ATP8A2: variants seen among roughly 807,000 people sequenced by gnomAD.
ATP8A2 encodes the protein ATPase phospholipid transporting 8A2.
In ATP8A2, 100 loss-of-function variants were observed where a neutral mutation model predicts 165.6. The ratio of observed to expected loss-of-function variants is 0.60; its 90% CI spans 0.51 to 0.71. The LOEUF (loss-of-function observed/expected upper bound fraction) is 0.71. Among genes scored for constraint, ATP8A2 ranks in the 30% least tolerant of loss-of-function variants. The pLI, the probability that ATP8A2 is intolerant of heterozygous loss-of-function variation, is 0.00. For missense variants in ATP8A2, 1,227 were observed against 1,479.5 expected (o/e 0.83, Z 2.80); for synonymous variants, 543 against 548.8 (o/e 0.99, Z 0.15).
intron 24 of ATP8A2, among the ~76,000 whole-genome samples, chr13:25,624,304 C>T (rs913535278): frequency 3.9e-5 from 6 of 152,096 alleles, no homozygotes; most frequent in African/African-American, 1.4e-4. Flanking sequence ...GCCAGGATTC[C>T]TTCATCACCT....
intron 35 of ATP8A2, among the ~76,000 whole-genome samples, chr13:25,979,108 C>T (rs1045177523): frequency 4.6e-5 from 7 of 150,728 alleles, no homozygotes; most frequent in African/African-American, 1.7e-4. Flanking sequence ...TTTATGTATA[C>T]ACTAGTTCTG....
intron 5 of ATP8A2, 78 bp downstream of exon 5, chr13:25,532,395 T>A: frequency 1.1e-6 from 1 of 941,302 alleles, no homozygotes; most frequent in Non-Finnish European, 1.7e-6. Context: ...TTTAAATAAG[T>A]AGTGAATGGT....
intron 24 of ATP8A2, among the ~76,000 whole-genome samples, chr13:25,690,389 CTT>C (rs560573240): frequency 1.4e-5 from 2 of 146,154 alleles, no homozygotes; most frequent in South Asian, 2.2e-4. Context: ...AAATTTGTGA[CTT>C]TTTTTTTTTT....
At chr13:25,606,203 C>T (rs2040512458) in intron 24 of ATP8A2, among the ~76,000 whole-genome samples, 1 of 152,174 alleles carries the variant, frequency 6.6e-6, no homozygotes, top group African/African-American at 2.4e-5. Flanking sequence ...GGCTGCATAG[C>T]TCATAACCTG....
At position 26,011,770 on chromosome 13, in the gene ATP8A2, CA is replaced by C. The variant is rs146131686; in HGVS notation, c.3378-755del. Among the ~76,000 whole-genome samples, 148 of 152,068 alleles carry C rather than the reference CA, an allele frequency of 9.7e-4. 3 individuals are homozygous for C. The East Asian group carries it at 0.023, about 24-fold the overall frequency. On this transcript the variant is annotated intron_variant, in intron 35 of 36. Transcript: ENST00000381655. ...GCAGCAAAGCAAGGCCCTGTCTCTG[CA>C]AAAAATGTTTAAAATTAGCCAGGTG...
chr13:25,857,742 T>G (rs755744524), intron 30 of ATP8A2, among the ~76,000 whole-genome samples: 1 of 151,950 alleles, frequency 6.6e-6, no homozygotes, highest in Non-Finnish European at 1.5e-5. Flanking sequence ...AGTTAATTTT[T>G]GTTTTTTTAG....
intron 1 of ATP8A2, among the ~76,000 whole-genome samples, chr13:25,377,691 C>T (rs1431976449): frequency 6.6e-6 from 1 of 152,190 alleles, no homozygotes; most frequent in African/African-American, 2.4e-5. Flanking sequence ...ACTCGGCAGG[C>T]TGAGGCAGGA....
intron 24 of ATP8A2, among the ~76,000 whole-genome samples, chr13:25,675,867 TAATC>T (rs2042361804): frequency 6.6e-6 from 1 of 152,168 alleles, no homozygotes; most frequent in African/African-American, 2.4e-5. Context: ...ATGCCATAAT[TAATC>T]ATTTCCCCCT....
At chr13:25,908,352 G>C (rs1406016353) in intron 33 of ATP8A2, among the ~76,000 whole-genome samples, 3 of 152,180 alleles carry the variant, frequency 2.0e-5, no homozygotes, top group Admixed American at 2.0e-4. Context: ...AAGTTGTCTT[G>C]TCCAGCTGGG....
chr13:25,726,873 A>G (rs1352508912), intron 25 of ATP8A2, among the ~76,000 whole-genome samples: 1 of 152,122 alleles, frequency 6.6e-6, no homozygotes, highest in African/African-American at 2.4e-5. Flanking sequence ...CTGGAGGTAA[A>G]AGACCCTGCA....
intron 1 of ATP8A2, among the ~76,000 whole-genome samples, chr13:25,395,821 G>A (rs2033402931): frequency 6.6e-6 from 1 of 152,082 alleles, no homozygotes; most frequent in Non-Finnish European, 1.5e-5. Flanking sequence ...ACAGGCACGA[G>A]CCACTGTGTC....
chr13:25,929,021 C>A (rs1421449343), intron 33 of ATP8A2, among the ~76,000 whole-genome samples: 1 of 152,100 alleles, frequency 6.6e-6, no homozygotes, highest in Non-Finnish European at 1.5e-5. Context: ...GGAATCCCTG[C>A]AATTTTTCTA....
intron 24 of ATP8A2, among the ~76,000 whole-genome samples, chr13:25,594,002 A>G (rs61947461): frequency 0.018 from 2,798 of 152,346 alleles, 46 homozygotes; most frequent in South Asian, 0.035. Flanking sequence ...TGACAGACAC[A>G]GCAAATTTCA....
intron 24 of ATP8A2, among the ~76,000 whole-genome samples, chr13:25,657,278 G>A (rs1056093810): frequency 2.6e-5 from 4 of 152,090 alleles, no homozygotes; most frequent in African/African-American, 9.7e-5. Context: ...GTCTGGAGGT[G>A]TGTAGGAGGC....
intron 34 of ATP8A2, among the ~76,000 whole-genome samples, chr13:25,967,045 G>A (rs1193514627): frequency 6.6e-6 from 1 of 152,142 alleles, no homozygotes; most frequent in African/African-American, 2.4e-5. Flanking sequence ...GCAGGCACTC[G>A]GTGGCTTTGT....
In ATP8A2 at chr13:25,895,266, G is replaced by T. The variant is rs570262575; in HGVS notation, c.3183+32858G>T. Among the ~76,000 whole-genome samples, 17 of 152,250 alleles carry T rather than the reference G, an allele frequency of 1.1e-4. 1 individual carries two copies. The South Asian group carries it at 3.5e-3, about 32-fold the overall frequency. On this transcript the variant is annotated intron_variant, in intron 33 of 36. Transcript: ENST00000381655. Reference sequence around the variant, plus strand: ...TGAAGGTTGTTGAATTTTGTCAAAGGCCTTTTCTGCATCTATTGAGATAAT... The same window carrying T: ...TGAAGGTTGTTGAATTTTGTCAAAGTCCTTTTCTGCATCTATTGAGATAAT...
At chr13:25,865,388 G>T (rs1566216521) in intron 33 of ATP8A2, among the ~76,000 whole-genome samples, 1 of 152,154 alleles carries the variant, frequency 6.6e-6, no homozygotes, top group Non-Finnish European at 1.5e-5. Context: ...AATTAAACTA[G>T]TGCCTAATAG....
chr13:25,729,715 A>C (rs1209936395), intron 25 of ATP8A2, among the ~76,000 whole-genome samples: 2 of 152,110 alleles, frequency 1.3e-5, no homozygotes, highest in Non-Finnish European at 2.9e-5. Flanking sequence ...GACTTTGTTA[A>C]ACTGAAAAAA....
chr13:25,884,300 G>A (rs1244331919), intron 33 of ATP8A2, among the ~76,000 whole-genome samples: 1 of 152,162 alleles, frequency 6.6e-6, no homozygotes, highest in Non-Finnish European at 1.5e-5. Context: ...TTGGGGATTG[G>A]GGATGATGGC....
Sources: allele counts gnomAD v4.1 joint callset (sites outside exome capture counted in the v4.1 genomes callset), GRCh38; gene constraint gnomAD v4.1.1; transcripts MANE v1.5; gene names NCBI Gene and HGNC (gene_info 2026-07-23, HGNC 2026-07-21).